Variants in CCDC62 observed in about 807,000 individuals in gnomAD.
CCDC62 encodes the protein coiled-coil domain containing 62, also known as coiled-coil domain-containing protein 62.
CCDC62 carries 72 observed loss-of-function variants against 80.8 expected under a neutral mutation model. The ratio of observed to expected loss-of-function variants is 0.89; its 90% confidence interval spans 0.74 to 1.08. The LOEUF (loss-of-function observed/expected upper bound fraction) is 1.08. Among genes scored for constraint, CCDC62 ranks in the 50% least tolerant of loss-of-function variants. CCDC62 has a pLI of 0.00. For missense variants in CCDC62, 704 were observed against 809.4 expected (o/e 0.87, Z 1.58); for synonymous variants, 286 against 296.5 (o/e 0.96, Z 0.36).
chr12:122,777,717 C>A, intron 2 of CCDC62, 34 bp downstream of exon 2: 2 of 1,572,976 alleles, frequency 1.3e-6, no homozygotes, highest in Admixed American at 1.7e-5. Context: ...CAGTTATGCA[C>A]TTCTGTGTGC....
Position 122,797,332 on chromosome 12 carries a change from A to G in CCDC62, c.798A>G (p.Glu266=). Reference sequence around the variant, plus strand: ...TAGAGAGAGAAAAGAGGAAAGATGAATTGCTTAATATTGCGAAGTCAAAGC... The same window carrying G: ...TAGAGAGAGAAAAGAGGAAAGATGAGTTGCTTAATATTGCGAAGTCAAAGC... ...FTVEREKRKD[E]LLNIAKSKQE... is the part of the protein sequence containing the mutation. Residue 266 remains glutamate (E), a synonymous_variant, in exon 7 of 13, where the codon GAA becomes GAG. Transcript: ENST00000253079. The G allele has an allele frequency of 6.3e-7, 1 of 1,585,222 alleles. No individual in the cohort carries two copies. The highest frequency in any genetic ancestry group is 8.7e-7 in the Non-Finnish European group (1 of 1,154,036).
At chr12:122,823,526 G>A (rs1004244571) in intron 12 of CCDC62, 67 bp downstream of exon 12, 3 of 818,608 alleles carry the variant, frequency 3.7e-6, no homozygotes, top group Non-Finnish European at 4.1e-6. Context: ...TGGGAACATC[G>A]ATAACGTTGA....
At chr12:122,804,708 A>G (rs1448832774) in intron 9 of CCDC62, among the ~76,000 whole-genome samples, 1 of 151,998 alleles carries the variant, frequency 6.6e-6, no homozygotes, top group Non-Finnish European at 1.5e-5. Context: ...GTATAACCTT[A>G]TTCCATGTTG....
intron 12 of CCDC62, among the ~76,000 whole-genome samples, chr12:122,824,817 G>C (rs1208687525): frequency 1.3e-5 from 2 of 152,204 alleles, no homozygotes; most frequent in African/African-American, 4.8e-5. Context: ...AGGCATGGTG[G>C]CTCATGCCTA....
At chr12:122,817,935 C>T (rs907437960) in intron 11 of CCDC62, among the ~76,000 whole-genome samples, 2 of 152,140 alleles carry the variant, frequency 1.3e-5, no homozygotes, top group Non-Finnish European at 2.9e-5. Context: ...CACCTTGGCA[C>T]CCTGGCTGCA....
At chr12:122,804,089 A>G (rs1055062528) in intron 9 of CCDC62, among the ~76,000 whole-genome samples, 1 of 152,198 alleles carries the variant, frequency 6.6e-6, no homozygotes, top group Non-Finnish European at 1.5e-5. Flanking sequence ...CTACTTTATT[A>G]TCTAACTAAA....
chr12:122,784,959 C>G (rs777086971), intron 3 of CCDC62, among the ~76,000 whole-genome samples: 1 of 152,100 alleles, frequency 6.6e-6, no homozygotes, highest in Non-Finnish European at 1.5e-5. Context: ...GCCAACGTGG[C>G]GAAACCCTGT....
At position 122,807,632 on chromosome 12, in the gene CCDC62, A is replaced by C. The variant is rs967281; in HGVS notation, c.1851+1337A>C. 3.9e-5 allele frequency among the ~76,000 whole-genome samples: 6 copies of C among 151,950 alleles called. No individual in the cohort carries two copies. In the South Asian group the frequency reaches 1.2e-3, roughly 32 times the overall value. On this transcript the variant is annotated intron_variant, in intron 10 of 12. Coordinates refer to ENST00000253079, the MANE Select transcript of CCDC62 (RefSeq NM_201435.5). Reference sequence around the variant, plus strand: ...ATCCCACTAATGGGATTACAGGCACAAGGCACTGTACCTGGCCAGACATTT... The same window carrying C: ...ATCCCACTAATGGGATTACAGGCACCAGGCACTGTACCTGGCCAGACATTT...
At chr12:122,823,087 A>G (rs1218165908) in intron 11 of CCDC62, among the ~76,000 whole-genome samples, 2 of 152,154 alleles carry the variant, frequency 1.3e-5, no homozygotes, top group East Asian at 1.9e-4. Flanking sequence ...CAGCTTCCCA[A>G]GTAGCTGGAA....
chr12:122,806,993 G>A (rs1361634782), intron 10 of CCDC62, among the ~76,000 whole-genome samples: 1 of 152,056 alleles, frequency 6.6e-6, no homozygotes. Flanking sequence ...CAGGTGACAC[G>A]TTGGTGGGCT....
At chr12:122,796,090 A>C (rs188965883) in intron 6 of CCDC62, among the ~76,000 whole-genome samples, 2 of 152,198 alleles carry the variant, frequency 1.3e-5, no homozygotes, top group Non-Finnish European at 1.5e-5. Flanking sequence ...TTATATTTAC[A>C]TTGGCATTGC....
At chr12:122,789,374 G>T (rs1011910265) in intron 5 of CCDC62, among the ~76,000 whole-genome samples, 1 of 152,224 alleles carries the variant, frequency 6.6e-6, no homozygotes, top group Admixed American at 6.5e-5. Context: ...GCTAGCCTGG[G>T]CATTTCTTCC....
intron 2 of CCDC62, among the ~76,000 whole-genome samples, chr12:122,780,430 G>A (rs1399911324): frequency 2.6e-5 from 4 of 151,426 alleles, no homozygotes; most frequent in African/African-American, 9.7e-5. Context: ...TGGCTAACAC[G>A]GTGAAACCCC....
At chr12:122,816,529 C>T (rs1566088941) in intron 11 of CCDC62, among the ~76,000 whole-genome samples, 1 of 152,074 alleles carries the variant, frequency 6.6e-6, no homozygotes, top group Non-Finnish European at 1.5e-5. Context: ...AGTTTGAGAC[C>T]ACTCTGGGCA....
intron 11 of CCDC62, among the ~76,000 whole-genome samples, chr12:122,823,124 C>T (rs2032480523): frequency 6.6e-6 from 1 of 152,200 alleles, no homozygotes; most frequent in African/African-American, 2.4e-5. Flanking sequence ...CGATGTCCAG[C>T]TCATTTTTGT....
intron 6 of CCDC62, among the ~76,000 whole-genome samples, chr12:122,795,107 G>A (rs2030858744): frequency 6.6e-6 from 1 of 152,072 alleles, no homozygotes; most frequent in Non-Finnish European, 1.5e-5. Flanking sequence ...CTGGAGTGTA[G>A]TGGTGCGATC....
chr12:122,805,889 G>C (rs983439946), intron 9 of CCDC62, among the ~76,000 whole-genome samples: 10 of 151,920 alleles, frequency 6.6e-5, no homozygotes, highest in African/African-American at 2.4e-4. Flanking sequence ...TCCTGACCTC[G>C]TGATCCACCC....
Position 122,801,283 on chromosome 12 carries a change from G to T in CCDC62, c.1137G>T (p.Lys379Asn). The change falls in exon 9 of 13, where the codon AAG becomes AAT. Residue 379 changes from lysine (K) to asparagine (N), a missense_variant. Physicochemically the swap from Lys to Asn is moderately conservative, Grantham distance 94. Transcript: ENST00000253079. ...GCTCTTGCGATGAATGCAAAGAGAA[G>T]AAACAACAGATCGATACTGTGTTTG... ...DKSSCDECKE[K>N]KQQIDTVFGE... 6.2e-7 allele frequency: 1 copy of T among 1,614,140 alleles called. No individual in the cohort carries two copies. Among genetic ancestry groups the T allele is most frequent in the Non-Finnish European group, 8.5e-7 (1 of 1,180,018 alleles).
At chr12:122,788,639 A>G (rs1593790552) in intron 4 of CCDC62, 119 bp from the exon 5 acceptor site, 2 of 636,984 alleles carry the variant, frequency 3.1e-6, no homozygotes, top group Non-Finnish European at 5.4e-6. Flanking sequence ...AAATGAATTC[A>G]TATGCGAAAA....
Sources: allele counts gnomAD v4.1 joint callset (sites outside exome capture counted in the v4.1 genomes callset), GRCh38; gene constraint gnomAD v4.1.1; transcripts MANE v1.5; gene names NCBI Gene and HGNC (gene_info 2026-07-23, HGNC 2026-07-21).